The following RASAL2 variants were observed in gnomAD, a reference collection of about 807,000 sequenced individuals.
The protein encoded by RASAL2 is ras GTPase-activating protein nGAP.
A neutral mutation model predicts 128.9 loss-of-function variants in RASAL2; 58 were observed. The ratio of observed to expected loss-of-function variants is 0.45; its 90% confidence interval spans 0.36 to 0.56. The LOEUF (loss-of-function observed/expected upper bound fraction) is 0.56. Among genes scored for constraint, RASAL2 ranks in the 20% least tolerant of loss-of-function variants. RASAL2 has a pLI of 0.00. For synonymous variants in RASAL2, 561 were observed against 580.8 expected (o/e 0.97, Z 0.49); for missense variants, 1,360 against 1,601.6 (o/e 0.85, Z 2.57).
At chr1:178,431,076 A>C (rs1243365608) in intron 5 of RASAL2, among the ~76,000 whole-genome samples, 2 of 152,038 alleles carry the variant, frequency 1.3e-5, no homozygotes, top group African/African-American at 4.8e-5. Context: ...TCTGCCAAAA[A>C]ATCCAAATGG....
chr1:178,444,037 T>C lies in RASAL2; in HGVS notation c.1482+808T>C, dbSNP rs74131360. ...AATATATTCAATATTTAGTCTCTTA[T>C]CTGGCTTCTATGGATTATAACTTTT... On this transcript the variant is annotated intron_variant, in intron 8 of 17. Coordinates refer to ENST00000367649, the MANE Select transcript of RASAL2 (RefSeq NM_170692.4). Among the ~76,000 whole-genome samples, 843 of 152,290 alleles carry C rather than the reference T, an allele frequency of 5.5e-3. 11 individuals are homozygous for C. The highest frequency in any genetic ancestry group is 0.019 in the African/African-American group (788 of 41,574).
chr1:178,357,669 A>G (rs1368778121), intron 3 of RASAL2, among the ~76,000 whole-genome samples: 3 of 152,196 alleles, frequency 2.0e-5, no homozygotes, highest in Non-Finnish European at 4.4e-5. Flanking sequence ...TGGAATTACA[A>G]TGAATGTATA....
At chr1:178,362,091 G>T (rs1356437378) in intron 3 of RASAL2, among the ~76,000 whole-genome samples, 2 of 152,176 alleles carry the variant, frequency 1.3e-5, no homozygotes, top group Non-Finnish European at 2.9e-5. Flanking sequence ...CCATAAACCA[G>T]TACTGCTCCG....
In RASAL2 at chr1:178,371,355, T is replaced by TACACACACACAC. The variant is rs766584516; in HGVS notation, c.458-18734_458-18723dup. On this transcript the variant is annotated intron_variant, in intron 3 of 17. Transcript: ENST00000367649. ...ACACACACACACACACACACACAAA[T>TACACACACACAC]ACACACACACACACACACACACTTC... 8.1e-3 allele frequency among the ~76,000 whole-genome samples: 1,036 copies of TACACACACACAC among 127,738 alleles called. 20 individuals carry two copies. Among genetic ancestry groups the TACACACACACAC allele is most frequent in the African/African-American group, 0.029 (949 of 32,856 alleles). 83.8% of individuals were successfully genotyped at this position (127,738 alleles called of 152,430 possible).
intron 1 of RASAL2, among the ~76,000 whole-genome samples, chr1:178,215,071 T>C (rs776034603): frequency 1.3e-5 from 2 of 152,174 alleles, no homozygotes; most frequent in African/African-American, 2.4e-5. Context: ...TGTTATCTCA[T>C]GTGTAAGTTC....
chr1:178,340,065 C>G (rs2102400924), intron 3 of RASAL2, among the ~76,000 whole-genome samples: 1 of 152,214 alleles, frequency 6.6e-6, no homozygotes, highest in East Asian at 1.9e-4. Context: ...TCTTGTCTTT[C>G]TTGGAACTTA....
chr1:178,135,439 A>C (rs184053667), intron 1 of RASAL2, among the ~76,000 whole-genome samples: 1 of 150,426 alleles, frequency 6.6e-6, no homozygotes, highest in African/African-American at 2.4e-5. Context: ...ATTTGGCCTA[A>C]ATATTATCCC....
intron 1 of RASAL2, among the ~76,000 whole-genome samples, chr1:178,166,540 T>G (rs1418777150): frequency 6.6e-6 from 1 of 152,200 alleles, no homozygotes; most frequent in Non-Finnish European, 1.5e-5. Context: ...CAGATATATT[T>G]TGTATATCTT....
intron 1 of RASAL2, among the ~76,000 whole-genome samples, chr1:178,271,331 C>T (rs1167631649): frequency 1.3e-5 from 2 of 152,116 alleles, no homozygotes; most frequent in Non-Finnish European, 2.9e-5. Context: ...TTTTTATTTC[C>T]GTTCTCACTA....
Position 178,341,698 on chromosome 1 carries a change from A to G in RASAL2, c.457+41580A>G, listed in dbSNP as rs1245213072. On this transcript the variant is annotated intron_variant, in intron 3 of 17. Coordinates refer to ENST00000367649, the MANE Select transcript of RASAL2 (RefSeq NM_170692.4). ...TAAAAATTACACAAATGCAGTGACT[A>G]TTTACCTTTATGATTATTGGCTTTA... The G allele has an allele frequency of 2.6e-6, 4 of 1,562,260 alleles. No homozygotes were observed. In the Admixed American group the frequency reaches 5.2e-5, roughly 20 times the overall value.
chr1:178,365,525 G>T (rs776021433), intron 3 of RASAL2, among the ~76,000 whole-genome samples: 1 of 152,134 alleles, frequency 6.6e-6, no homozygotes, highest in Non-Finnish European at 1.5e-5. Context: ...AGGCTGGAGT[G>T]CAGTGACATG....
chr1:178,204,742 T>C (rs764404749), intron 1 of RASAL2, among the ~76,000 whole-genome samples: 3 of 152,226 alleles, frequency 2.0e-5, no homozygotes, highest in Non-Finnish European at 2.9e-5. Context: ...ATGAAATTGT[T>C]TCACAGGTTT....
chr1:178,094,440 G>T lies in RASAL2; in HGVS notation c.-53G>T. ...TACCGCAGGCAGGGCGCGGAGCCGC[G>T]CGCCAGCCCGCCCCGAAGCCGCCGC... On this transcript the variant is annotated 5_prime_UTR_variant, in exon 1 of 18. Transcript: ENST00000367649. The T allele has an allele frequency of 1.4e-6, 2 of 1,464,656 alleles. No individual in the cohort carries two copies. Among genetic ancestry groups the T allele is most frequent in the Non-Finnish European group, 1.8e-6 (2 of 1,105,462 alleles). 90.7% of individuals were successfully genotyped at this position (1,464,656 alleles called of 1,614,324 possible).
intron 1 of RASAL2, among the ~76,000 whole-genome samples, chr1:178,246,476 A>G (rs1171107305): frequency 6.6e-6 from 1 of 152,146 alleles, no homozygotes; most frequent in Non-Finnish European, 1.5e-5. Flanking sequence ...GGCTGAGACG[A>G]TGGGATTTTC....
chr1:178,324,560 T>G (rs990882380), intron 3 of RASAL2, among the ~76,000 whole-genome samples: 1 of 152,160 alleles, frequency 6.6e-6, no homozygotes, highest in African/African-American at 2.4e-5. Context: ...CAGTCTGTTA[T>G]GTAATGAAGG....
At chr1:178,260,557 T>C (rs1463543999) in intron 1 of RASAL2, among the ~76,000 whole-genome samples, 1 of 150,284 alleles carries the variant, frequency 6.7e-6, no homozygotes, top group East Asian at 1.9e-4. Flanking sequence ...GGTGAATCGT[T>C]CATACAAAGT....
chr1:178,408,843 G>A (rs988104811), intron 4 of RASAL2, among the ~76,000 whole-genome samples: 5 of 152,098 alleles, frequency 3.3e-5, no homozygotes, highest in Non-Finnish European at 7.4e-5. Context: ...CCGGTGTGAG[G>A]CTACCTAGGC....
At chr1:178,275,667 G>A (rs529102452) in intron 1 of RASAL2, among the ~76,000 whole-genome samples, 80 of 152,340 alleles carry the variant, frequency 5.3e-4, no homozygotes, top group African/African-American at 1.8e-3. Context: ...CTGTGATAGA[G>A]CAGAGTTAGA....
chr1:178,278,602 G>A (rs767648573), intron 1 of RASAL2, among the ~76,000 whole-genome samples: 33 of 152,106 alleles, frequency 2.2e-4, no homozygotes, highest in African/African-American at 7.0e-4. Context: ...CTAAGGAGCC[G>A]TAAGATACAA....
Sources: gnomAD v4.1 joint callset for allele counts (sites outside exome capture counted in the v4.1 genomes callset) on GRCh38, gnomAD v4.1.1 for gene constraint, MANE v1.5 for transcripts, NCBI Gene and HGNC (gene_info 2026-07-23, HGNC 2026-07-21) for gene names.